PCDHGA6: variants seen among roughly 807,000 people sequenced by gnomAD.
PCDHGA6 encodes protocadherin gamma subfamily A, 6, also known as protocadherin gamma-A6.
PCDHGA6 carries 41 observed loss-of-function variants against 60.6 expected under a neutral mutation model. The observed-to-expected ratio is 0.68, with a 90% CI of 0.53 to 0.88. PCDHGA6 has a LOEUF of 0.88. Ranked by LOEUF, PCDHGA6 falls within the 40% of genes least tolerant of loss-of-function variation. The pLI, the probability that PCDHGA6 is intolerant of heterozygous loss-of-function variation, is 0.00. For synonymous variants in PCDHGA6, 594 were observed against 524.4 expected (o/e 1.13, Z -1.81); for missense variants, 1,312 against 1,203.0 (o/e 1.09, Z -1.34).
chr5:141,476,455 G>C lies in PCDHGA6; in HGVS notation c.2425-18352G>C, dbSNP rs572682842. On this transcript the variant is annotated intron_variant, in intron 1 of 3. Transcript: ENST00000517434. The surrounding 1 kb of genome is among the most constrained non-coding windows in gnomAD (Gnocchi z 7.6). ...CTGTAACTCTGGAGTTGGTAGTGGA[G>C]AACCCGCTGGAGCTGTTCAGCGTGG... 22 of 1,614,152 alleles carry C rather than the reference G, an allele frequency of 1.4e-5. No homozygotes were observed. In the South Asian group the frequency reaches 2.4e-4, roughly 18 times the overall value.
chr5:141,441,102 C>A (rs1057297804), intron 1 of PCDHGA6: 2 of 152,148 alleles, frequency 1.3e-5, no homozygotes, highest in Non-Finnish European at 2.9e-5. Flanking sequence ...GAGAGGGACT[C>A]ATTGTCCAGT....
At chr5:141,391,324 T>C (rs1246568740) in intron 1 of PCDHGA6, 2 of 151,644 alleles carry the variant, frequency 1.3e-5, no homozygotes, top group Non-Finnish European at 2.9e-5. Context: ...TTTCTTTTTT[T>C]TTTTTTGAGA....
At position 141,383,936 on chromosome 5, in the gene PCDHGA6, AAGTGACTATG is replaced by A. The variant is rs765282926; in HGVS notation, c.2424+7431_2424+7440del. On this transcript the variant is annotated intron_variant, in intron 1 of 3. Coordinates refer to ENST00000517434, the MANE Select transcript of PCDHGA6 (RefSeq NM_018919.3). ...TTAGATGTAAATGATAATGCTCCAG[AAGTGACTATG>A]ACGTCTTTAAGTAGCTCAATCCCTG... 5.0e-6 allele frequency: 8 copies of A among 1,613,818 alleles called. No homozygotes were observed. In the South Asian group the frequency reaches 8.8e-5, roughly 18 times the overall value.
intron 1 of PCDHGA6, among the ~76,000 whole-genome samples, chr5:141,465,545 C>T (rs2099105349): frequency 6.6e-6 from 1 of 152,146 alleles, no homozygotes; most frequent in South Asian, 2.1e-4. Context: ...GGCATTTTTT[C>T]TGCTGAAGCT....
At chr5:141,391,869 T>A (rs2092430763) in intron 1 of PCDHGA6, 2 of 152,218 alleles carry the variant, frequency 1.3e-5, no homozygotes, top group Admixed American at 1.3e-4. Flanking sequence ...AATTTAATCA[T>A]CTCTTTGGTG....
rs757876687 is a variant in PCDHGA6 at position 141,413,273 on chromosome 5, G to A, written c.2424+36766G>A. On this transcript the variant is annotated intron_variant, in intron 1 of 3. Coordinates refer to ENST00000517434, the MANE Select transcript of PCDHGA6 (RefSeq NM_018919.3). The stretch of plus-strand genomic sequence containing the variant: ...GGGATTCCATGGGAGGCTGGAGCCC[G>A]GCAGATCTCCTACTCAATTCCTGAG... 4.3e-6 allele frequency: 7 copies of A among 1,613,920 alleles called. No homozygotes were observed. The highest frequency in any genetic ancestry group is 5.9e-6 in the Non-Finnish European group (7 of 1,179,902).
chr5:141,486,565 TC>T lies in PCDHGA6; in HGVS notation c.2425-8240del. The T allele has an allele frequency of 6.2e-7, 1 of 1,614,024 alleles. No homozygotes were observed. The highest frequency in any genetic ancestry group is 2.2e-5 in the East Asian group (1 of 44,880). On this transcript the variant is annotated intron_variant, in intron 1 of 3. Transcript: ENST00000517434. This position sits in a 1 kb window ranked among gnomAD's most constrained non-coding sequence, Gnocchi z 5.0. Reference sequence around the variant, plus strand: ...TTCAGAGGTCACATGAGGTGTTTGTTCCTGAGAACAATCGCCCAGGGGACCT... The same window carrying T: ...TTCAGAGGTCACATGAGGTGTTTGTTCTGAGAACAATCGCCCAGGGGACCT...
intron 1 of PCDHGA6, among the ~76,000 whole-genome samples, chr5:141,406,446 CTA>C: frequency 6.6e-6 from 1 of 152,200 alleles, no homozygotes; most frequent in Non-Finnish European, 1.5e-5. Context: ...TCTTCCATTT[CTA>C]TGACAGGAAA....
chr5:141,421,071 A>G (rs1197006989), intron 1 of PCDHGA6: 1 of 608,760 alleles, frequency 1.6e-6, no homozygotes, highest in East Asian at 2.9e-5. Flanking sequence ...GCGGAATGAG[A>G]TGGATACTCA....
intron 1 of PCDHGA6, among the ~76,000 whole-genome samples, chr5:141,492,593 A>T (rs907659087): frequency 1.3e-5 from 2 of 152,100 alleles, no homozygotes; most frequent in African/African-American, 4.8e-5. Context: ...GGAGCGCTGG[A>T]GCGACTGCCG....
At chr5:141,390,523 G>A in intron 1 of PCDHGA6, 1 of 556,304 alleles carries the variant, frequency 1.8e-6, no homozygotes, top group Non-Finnish European at 3.1e-6. Context: ...AGCAATGAGG[G>A]TGTGGTTTTA....
chr5:141,398,171 C>T (rs773536231), intron 1 of PCDHGA6: 3 of 1,476,352 alleles, frequency 2.0e-6, no homozygotes, highest in Non-Finnish European at 2.7e-6. Flanking sequence ...GAGAGGCTGC[C>T]AGTGCTCTTT....
At chr5:141,391,561 G>A (rs2092390304) in intron 1 of PCDHGA6, 1 of 152,026 alleles carries the variant, frequency 6.6e-6, no homozygotes, top group Non-Finnish European at 1.5e-5. Context: ...TTTTCCATAT[G>A]CATAAGAAAA....
intron 1 of PCDHGA6, chr5:141,408,616 A>C (rs1242634693): frequency 6.2e-7 from 1 of 1,614,052 alleles, no homozygotes. Flanking sequence ...AAAAGGAAAT[A>C]CATTTAGAAA....
chr5:141,378,119 G>A (rs1412148490), intron 1 of PCDHGA6: 1 of 152,132 alleles, frequency 6.6e-6, no homozygotes, highest in East Asian at 1.9e-4. Context: ...TAGTGAACAC[G>A]TATTTGTTGA....
intron 1 of PCDHGA6, among the ~76,000 whole-genome samples, chr5:141,381,794 T>C (rs901900634): frequency 1.3e-4 from 19 of 150,606 alleles, no homozygotes; most frequent in Admixed American, 9.3e-4. Context: ...GGCAAGGCAA[T>C]TCCCTCTTTC....
chr5:141,404,586 A>G, intron 1 of PCDHGA6: 1 of 1,614,008 alleles, frequency 6.2e-7, no homozygotes, highest in Non-Finnish European at 8.5e-7. Context: ...CTTAGCAGCA[A>G]TGTGTCATTG....
chr5:141,430,365 G>GA lies in PCDHGA6; in HGVS notation c.2424+53866dup, dbSNP rs202146484. Among the ~76,000 whole-genome samples, 583 of 147,736 alleles carry GA rather than the reference G, an allele frequency of 3.9e-3. 6 individuals are homozygous for GA. The highest frequency in any genetic ancestry group is 0.011 in the Admixed American group (169 of 14,894). On this transcript the variant is annotated intron_variant, in intron 1 of 3. Coordinates refer to ENST00000517434, the MANE Select transcript of PCDHGA6 (RefSeq NM_018919.3). ...CCAATTCATTTAAAAGCTCATTGGG[G>GA]AAAAAAAAGCTCATTGGGAAAAAAA...
At chr5:141,394,586 G>A in intron 1 of PCDHGA6, 1 of 1,613,888 alleles carries the variant, frequency 6.2e-7, no homozygotes. Context: ...TGACCAAGGT[G>A]GTGGCGGTGG....
Sources: allele counts gnomAD v4.1 joint callset (sites outside exome capture counted in the v4.1 genomes callset), GRCh38; gene constraint gnomAD v4.1.1; non-coding constraint Gnocchi (gnomAD v3.1); transcripts MANE v1.5; gene names NCBI Gene and HGNC (gene_info 2026-07-23, HGNC 2026-07-21).